Variants in IPCEF1 observed in about 807,000 individuals in gnomAD.
IPCEF1 encodes the protein interactor protein for cytohesin exchange factors 1.
IPCEF1 carries 31 observed loss-of-function variants against 50.9 expected under a neutral mutation model. The ratio of observed to expected loss-of-function variants is 0.61; its 90% confidence interval spans 0.46 to 0.82. IPCEF1 has a LOEUF of 0.82. Among genes scored for constraint, IPCEF1 ranks in the 40% least tolerant of loss-of-function variants. The pLI, the probability that IPCEF1 is intolerant of heterozygous loss-of-function variation, is 0.00. For missense variants in IPCEF1, 458 were observed against 514.0 expected (o/e 0.89, Z 1.05); for synonymous variants, 181 against 192.0 (o/e 0.94, Z 0.47).
At chr6:154,208,354 C>T (rs1274602494) in intron 9 of IPCEF1, among the ~76,000 whole-genome samples, 1 of 152,204 alleles carries the variant, frequency 6.6e-6, no homozygotes, top group Non-Finnish European at 1.5e-5. Context: ...ACTCTCACAC[C>T]ACCTTTCAAG....
intron 1 of IPCEF1, among the ~76,000 whole-genome samples, chr6:154,345,934 C>T (rs1304027517): frequency 2.6e-5 from 4 of 152,036 alleles, no homozygotes; most frequent in South Asian, 2.1e-4. Flanking sequence ...GGTGCTATCT[C>T]GGCTCACTGC....
In IPCEF1 at chr6:154,163,831, T is replaced by C. The variant is rs76498829; in HGVS notation, c.1105-3791A>G. ...ATTCATAGATCAATAGCTGGATAGA[T>C]AGATATTAATAGATAGATAGATAGA... On this transcript the variant is annotated intron_variant, in intron 11 of 11. Coordinates refer to ENST00000367220, the MANE Select transcript of IPCEF1 (RefSeq NM_001130700.2). 2.0e-3 allele frequency among the ~76,000 whole-genome samples: 307 copies of C among 152,256 alleles called. 1 individual carries two copies. Among genetic ancestry groups the C allele is most frequent in the African/African-American group, 6.9e-3 (287 of 41,554 alleles).
chr6:154,265,979 A>C lies in IPCEF1; in HGVS notation c.-17-15T>G. 1 of 1,529,996 alleles carries C rather than the reference A, an allele frequency of 6.5e-7. No individual in the cohort carries two copies. The highest frequency in any genetic ancestry group is 1.2e-5 in the South Asian group (1 of 85,730). 94.8% of individuals were successfully genotyped at this position (1,529,996 alleles called of 1,614,324 possible). ...AGAAACAAAAGCTAGAAGAGAAAAAATGTTTTCAGTTAAATGTGAGATTAA... is the reference window on the plus strand; with the variant it reads ...AGAAACAAAAGCTAGAAGAGAAAAACTGTTTTCAGTTAAATGTGAGATTAA... On this transcript the variant is annotated splice_polypyrimidine_tract_variant and intron_variant, in intron 2 of 11. Coordinates refer to ENST00000367220, the MANE Select transcript of IPCEF1 (RefSeq NM_001130700.2).
At chr6:154,240,956 G>A (rs1780530472) in intron 5 of IPCEF1, among the ~76,000 whole-genome samples, 1 of 152,088 alleles carries the variant, frequency 6.6e-6, no homozygotes, top group Non-Finnish European at 1.5e-5. Context: ...AGATAGTTGG[G>A]GCCAGGTGCG....
In IPCEF1 at chr6:154,246,618, C is replaced by T. The variant is rs777824389; in HGVS notation, c.219G>A (p.Ser73=). ...WKKFWVILKG[S]SLYWYSNQMA... Reference sequence around the variant, plus strand: ...TTTGATTGCTATACCAGTACAGTGACGACCCCTTCAGTATCACCCAGAACT... The same window carrying T: ...TTTGATTGCTATACCAGTACAGTGATGACCCCTTCAGTATCACCCAGAACT... The change falls in exon 5 of 12, where the codon TCG becomes TCA. Residue 73 remains serine (S), a synonymous_variant. Transcript: ENST00000367220. The T allele has an allele frequency of 3.1e-6, 5 of 1,613,738 alleles. No homozygotes were observed. The highest frequency in any genetic ancestry group is 2.2e-5 in the East Asian group (1 of 44,878).
chr6:154,262,324 T>C (rs1781621804), intron 3 of IPCEF1, among the ~76,000 whole-genome samples: 1 of 152,206 alleles, frequency 6.6e-6, no homozygotes, highest in Non-Finnish European at 1.5e-5. Context: ...TGGCTTTAGG[T>C]CGGGAATTAC....
intron 1 of IPCEF1, among the ~76,000 whole-genome samples, 159 bp downstream of exon 1, chr6:154,356,513 G>C (rs1254817469): frequency 6.6e-6 from 1 of 152,122 alleles, no homozygotes; most frequent in Non-Finnish European, 1.5e-5. Context: ...TTAGCACCTG[G>C]CTTCCCAGAT....
At chr6:154,280,413 A>G (rs1318288448) in intron 2 of IPCEF1, among the ~76,000 whole-genome samples, 1 of 151,302 alleles carries the variant, frequency 6.6e-6, no homozygotes, top group African/African-American at 2.5e-5. Context: ...AAAGAGGTAA[A>G]TCATTTAAAA....
At position 154,182,628 on chromosome 6, in the gene IPCEF1, G is replaced by A. The variant is rs141910913; in HGVS notation, c.911-14515C>T. ...GTACATACAAAAAAGATATTTGATC[G>A]CCTTTTTTTCTTCTTAAAATACGTT... On this transcript the variant is annotated intron_variant, in intron 10 of 11. Coordinates refer to ENST00000367220, the MANE Select transcript of IPCEF1 (RefSeq NM_001130700.2). 1.6e-3 allele frequency among the ~76,000 whole-genome samples: 237 copies of A among 152,212 alleles called. 1 individual carries two copies. The highest frequency in any genetic ancestry group is 5.2e-3 in the African/African-American group (217 of 41,532).
chr6:154,221,115 T>C lies in IPCEF1; in HGVS notation c.392+142A>G, dbSNP rs1778832310. ...TACTAGAGAAGAAAGCACGAAGGCA[T>C]TGTAACTGCTAAATAAATTAATCCT... On this transcript the variant is annotated intron_variant, in intron 7 of 11. Coordinates refer to ENST00000367220, the MANE Select transcript of IPCEF1 (RefSeq NM_001130700.2). 4 of 629,836 alleles carry C rather than the reference T, an allele frequency of 6.4e-6. No homozygotes were observed. The East Asian group carries it at 1.2e-4, about 18-fold the overall frequency. The allele number at this position is 629,836 out of a possible 1,614,324, so 39.0% of individuals were successfully genotyped here. A position where few individuals can be genotyped will look rare whatever the true frequency, so the allele number is the denominator to read the frequency against.
intron 2 of IPCEF1, among the ~76,000 whole-genome samples, chr6:154,282,378 A>G (rs893545817): frequency 6.6e-6 from 1 of 152,082 alleles, no homozygotes. Context: ...TAGCGATAGA[A>G]GTGGTAAGAA....
intron 1 of IPCEF1, among the ~76,000 whole-genome samples, chr6:154,335,598 G>A (rs1450512024): frequency 6.6e-6 from 1 of 152,144 alleles, no homozygotes; most frequent in Non-Finnish European, 1.5e-5. Context: ...CACTTTGGGA[G>A]GCCAAGGTGA....
At chr6:154,323,042 A>G (rs1281706015) in intron 1 of IPCEF1, among the ~76,000 whole-genome samples, 1 of 152,196 alleles carries the variant, frequency 6.6e-6, no homozygotes, top group Non-Finnish European at 1.5e-5. Context: ...TTTCGATGTG[A>G]CAAGTGCTTT....
At chr6:154,222,939 G>A (rs1172845040) in intron 6 of IPCEF1, 2 of 561,936 alleles carry the variant, frequency 3.6e-6, no homozygotes, top group East Asian at 3.1e-5. Flanking sequence ...AACAGTCCAT[G>A]CCAAGACTTC....
chr6:154,316,663 A>ATTCC, intron 1 of IPCEF1, among the ~76,000 whole-genome samples: 1 of 152,206 alleles, frequency 6.6e-6, no homozygotes, highest in Non-Finnish European at 1.5e-5. Flanking sequence ...GTTCAATGAA[A>ATTCC]CAGGAGAAAT....
chr6:154,202,748 C>T (rs966806719), intron 9 of IPCEF1, among the ~76,000 whole-genome samples: 6 of 152,096 alleles, frequency 3.9e-5, no homozygotes, highest in South Asian at 2.1e-4. Flanking sequence ...GAAGTGTCAT[C>T]GTGTTTGTGC....
intron 6 of IPCEF1, among the ~76,000 whole-genome samples, chr6:154,222,802 G>A (rs1287467775): frequency 6.6e-6 from 1 of 152,182 alleles, no homozygotes; most frequent in Non-Finnish European, 1.5e-5. Flanking sequence ...GGTCTTGCTG[G>A]CGTATCTGCA....
intron 1 of IPCEF1, among the ~76,000 whole-genome samples, chr6:154,355,420 C>A (rs1436859144): frequency 6.6e-6 from 1 of 152,046 alleles, no homozygotes; most frequent in African/African-American, 2.4e-5. Flanking sequence ...ACACCCTTTT[C>A]TTCCTTGCTT....
At chr6:154,184,244 C>T (rs1008960724) in intron 10 of IPCEF1, among the ~76,000 whole-genome samples, 5 of 151,908 alleles carry the variant, frequency 3.3e-5, no homozygotes, top group African/African-American at 1.2e-4. Flanking sequence ...ATAGCACTGG[C>T]ATATAAAGTG....
Sources: gnomAD v4.1 joint callset for allele counts (sites outside exome capture counted in the v4.1 genomes callset) on GRCh38, gnomAD v4.1.1 for gene constraint, MANE v1.5 for transcripts, NCBI Gene and HGNC (gene_info 2026-07-23, HGNC 2026-07-21) for gene names.